The following DCAF4 variants were observed in gnomAD, a reference collection of about 807,000 sequenced individuals.
The protein encoded by DCAF4 is DDB1 and CUL4 associated factor 4.
A neutral mutation model predicts 60.9 loss-of-function variants in DCAF4; 37 were observed. That is an observed-to-expected ratio of 0.61 (90% CI 0.47 to 0.80). The LOEUF (loss-of-function observed/expected upper bound fraction) is 0.80, where lower values mean the gene tolerates loss of function less well. DCAF4 is among the 30% of genes least tolerant of loss of function. DCAF4 has a pLI of 0.00. For missense variants in DCAF4, 577 were observed against 650.0 expected, an observed-to-expected ratio of 0.89 and a Z score of 1.22; for synonymous variants, 243 against 254.8, an observed-to-expected ratio of 0.95 and a Z score of 0.44.
In DCAF4 at chr14:72,955,689, CTGGAA is replaced by C; in HGVS notation, c.1173_1177del (p.Gly392AspfsTer21). On this transcript the variant is annotated frameshift_variant and splice_region_variant, in exon 12 of 14. Transcript: ENST00000358377. LOFTEE classifies it high-confidence loss of function. Reference sequence around the variant, plus strand: ...CAATACCTGATGGCTTCAGACATGGCTGGAAAGGTAGGGGATCATGGACTTTCTCA... The same window carrying C: ...CAATACCTGATGGCTTCAGACATGGCAGGTAGGGGATCATGGACTTTCTCA... The C allele has an allele frequency of 6.2e-7, 1 of 1,613,064 alleles. No homozygotes were observed. The highest frequency in any genetic ancestry group is 8.5e-7 in the Non-Finnish European group (1 of 1,179,380).
At position 72,954,208 on chromosome 14, in the gene DCAF4, G is replaced by T. The variant is rs779012938; in HGVS notation, c.853G>T (p.Ala285Ser). The change falls in exon 10 of 14, where the codon GCC (alanine) becomes TCC (serine). Residue 285 changes from alanine to serine, a missense_variant. Ala to Ser is a moderately conservative substitution (Grantham distance 99). Transcript: ENST00000358377. The stretch of plus-strand genomic sequence containing the variant: ...GCTCTGCAGTTTCCGGATCCCTGGT[G>T]CCTGGTCCTGTGCCTGGTCCCTGAA... ...GMLCSFRIPG[A>S]WSCAWSLNIQ... is the part of the protein sequence containing the mutation. 1.4e-5 allele frequency: 22 copies of T among 1,614,048 alleles called. No homozygotes were observed. The South Asian group carries it at 1.6e-4, about 12-fold the overall frequency.
In DCAF4 at chr14:72,954,227, C is replaced by A. The variant is rs778257059; in HGVS notation, c.872C>A (p.Ser291Tyr). Residue 291 changes from serine (S) to tyrosine (Y), a missense_variant, in exon 10 of 14, where the codon TCC (serine) becomes TAC (tyrosine). Physicochemically the swap from Ser to Tyr is moderately radical, Grantham distance 144 (BLOSUM62 -2). Transcript: ENST00000358377. ...RIPGAWSCAW[S>Y]LNIQANNCFS... Reference sequence around the variant, plus strand: ...CCTGGTGCCTGGTCCTGTGCCTGGTCCCTGAATATCCAAGCAAATAACTGC... The same window carrying A: ...CCTGGTGCCTGGTCCTGTGCCTGGTACCTGAATATCCAAGCAAATAACTGC... 3 of 1,614,200 alleles carry A rather than the reference C, an allele frequency of 1.9e-6. No homozygotes were observed. In the Admixed American group the frequency reaches 5.0e-5, roughly 27 times the overall value.
At chr14:72,945,527 G>A (rs1031771344) in intron 6 of DCAF4, among the ~76,000 whole-genome samples, 19 of 149,746 alleles carry the variant, frequency 1.3e-4, no homozygotes, top group South Asian at 2.1e-4. Flanking sequence ...TTTTCCTATT[G>A]CGCCACAGCC....
At chr14:72,942,061 G>A in intron 5 of DCAF4, 1 of 473,820 alleles carries the variant, frequency 2.1e-6, no homozygotes, top group African/African-American at 2.0e-5. Flanking sequence ...AGAGGATGGG[G>A]ACGTAGGCAG....
intron 1 of DCAF4, chr14:72,927,005 C>G (rs1310009659): frequency 2.0e-5 from 3 of 152,470 alleles, no homozygotes; most frequent in East Asian, 1.9e-4. Flanking sequence ...CAGGCGCTAA[C>G]ATTTGCCAGC....
At position 72,958,555 on chromosome 14, in the gene DCAF4, G is replaced by C. The variant is rs144445116; in HGVS notation, c.1295-57G>C. ...CTTGGGAAGCCATGTCCACATGTAGGTAAGTTTTCCTTTGCATTCTCTCAC... is the reference window on the plus strand; with the variant it reads ...CTTGGGAAGCCATGTCCACATGTAGCTAAGTTTTCCTTTGCATTCTCTCAC... On this transcript the variant is annotated intron_variant, in intron 13 of 13. Coordinates refer to ENST00000358377, the MANE Select transcript of DCAF4 (RefSeq NM_015604.4). The C allele has an allele frequency of 3.7e-6, 6 of 1,601,858 alleles. No individual in the cohort carries two copies. The African/African-American group carries it at 6.7e-5, about 18-fold the overall frequency.
chr14:72,954,673 G>GTTGAT (rs1892039655), intron 11 of DCAF4, among the ~76,000 whole-genome samples, 190 bp downstream of exon 11: 1 of 152,164 alleles, frequency 6.6e-6, no homozygotes, highest in Middle Eastern at 3.2e-3. Context: ...AGAAAGGCTG[G>GTTGAT]CCTGAGTTGC....
intron 6 of DCAF4, among the ~76,000 whole-genome samples, chr14:72,944,390 G>A (rs1026089636): frequency 2.6e-5 from 4 of 152,178 alleles, no homozygotes; most frequent in East Asian, 1.9e-4. Flanking sequence ...GTCCAAACTC[G>A]TGTGTGGGTC....
At chr14:72,943,205 GA>G in intron 6 of DCAF4, 109 bp downstream of exon 6, 2 of 921,448 alleles carry the variant, frequency 2.2e-6, no homozygotes, top group Non-Finnish European at 3.4e-6. Flanking sequence ...CAACTGCAAT[GA>G]AAGTAGGTGG....
At chr14:72,939,930 T>A in intron 3 of DCAF4, 28 bp downstream of exon 3, 1 of 1,566,424 alleles carries the variant, frequency 6.4e-7, no homozygotes, top group Non-Finnish European at 8.7e-7. Context: ...GTGGGAATCC[T>A]GGCCCTTGCA....
intron 5 of DCAF4, 127 bp downstream of exon 5, chr14:72,941,951 G>T: frequency 1.0e-6 from 1 of 963,226 alleles, no homozygotes. Context: ...CACAGTTGAG[G>T]GGCTCCAGTT....
intron 1 of DCAF4, among the ~76,000 whole-genome samples, chr14:72,932,002 T>A (rs2140190415): frequency 6.6e-6 from 1 of 151,506 alleles, no homozygotes; most frequent in Admixed American, 6.6e-5. Context: ...TTTTTTTTTT[T>A]TTGAGAGATG....
chr14:72,956,868 T>C (rs1055526246), intron 13 of DCAF4: 21 of 257,630 alleles, frequency 8.2e-5, no homozygotes, highest in Non-Finnish European at 1.4e-4. Context: ...TTGTCTCTAC[T>C]CACATTTCCA....
chr14:72,928,885 G>A (rs1478061482), intron 1 of DCAF4, among the ~76,000 whole-genome samples: 2 of 152,168 alleles, frequency 1.3e-5, no homozygotes, highest in Non-Finnish European at 2.9e-5. Context: ...AAACTGGAGA[G>A]CCCCAAGGGG....
At chr14:72,961,935 C>T (rs1892836496), downstream of DCAF4, 3 of 1,145,510 alleles carry the variant, frequency 2.6e-6, no homozygotes, top group Admixed American at 7.1e-5. Context: ...ACCGCGGGAA[C>T]ACCCCAGCTC....
chr14:72,950,518 G>C (rs1387537072), intron 8 of DCAF4, among the ~76,000 whole-genome samples: 1 of 152,182 alleles, frequency 6.6e-6, no homozygotes, highest in Non-Finnish European at 1.5e-5. Context: ...GATTTCAGTG[G>C]AGGAAAGGCA....
intron 6 of DCAF4, 99 bp downstream of exon 6, chr14:72,943,195 C>A (rs1890280498): frequency 9.5e-7 from 1 of 1,055,968 alleles, no homozygotes; most frequent in Non-Finnish European, 1.4e-6. Context: ...CTGGAGAAGC[C>A]AACTGCAATG....
At position 72,947,142 on chromosome 14, in the gene DCAF4, G is replaced by C; in HGVS notation, c.679G>C (p.Val227Leu). Residue 227 changes from valine to leucine, a missense_variant and splice_region_variant, in exon 8 of 14, where the codon GTG becomes CTG. Transcript: ENST00000358377. ...HENLYFTNRK[V>L]NSVCWASLNH... is the part of the protein sequence containing the mutation. ...ATCTCGCTGTGTGCTTCCTCACCAG[G>C]TGAATTCGGTGTGCTGGGCCTCGCT... 6.2e-7 allele frequency: 1 copy of C among 1,614,150 alleles called. No homozygotes were observed. Among genetic ancestry groups the C allele is most frequent in the Non-Finnish European group, 8.5e-7 (1 of 1,180,012 alleles).
At chr14:72,945,809 G>A (rs1484614638) in intron 6 of DCAF4, 75 bp from the exon 7 acceptor site, 1 of 1,587,222 alleles carries the variant, frequency 6.3e-7, no homozygotes, top group East Asian at 2.2e-5. Context: ...GGCCAGGAGA[G>A]ACGGGCAGGT....
Sources: gnomAD v4.1 joint callset for allele counts (sites outside exome capture counted in the v4.1 genomes callset) on GRCh38, gnomAD v4.1.1 for gene constraint, MANE v1.5 for transcripts, NCBI Gene and HGNC (gene_info 2026-07-23, HGNC 2026-07-21) for gene names.